Variants in UNC13B observed in about 807,000 individuals in gnomAD.
UNC13B encodes the protein protein unc-13 homolog B.
In UNC13B, 144 loss-of-function variants were observed where a neutral mutation model predicts 211.0. That is an observed-to-expected ratio of 0.68 (90% CI 0.60 to 0.78). The LOEUF is 0.78. Among genes scored for constraint, UNC13B ranks in the 30% least tolerant of loss-of-function variants. UNC13B has a pLI of 0.00. For synonymous variants in UNC13B, 709 were observed against 725.8 expected, an observed-to-expected ratio of 0.98 and a Z score of 0.37; for missense variants, 1,777 against 2,002.0, an observed-to-expected ratio of 0.89 and a Z score of 2.14.
At chr9:35,163,221 C>T (rs887667590) in intron 1 of UNC13B, among the ~76,000 whole-genome samples, 5 of 152,146 alleles carry the variant, frequency 3.3e-5, no homozygotes, top group African/African-American at 1.2e-4. Context: ...TCTGATGTGT[C>T]TTGATTATGA....
At chr9:35,217,783 C>T (rs546572193) in intron 1 of UNC13B, among the ~76,000 whole-genome samples, 1 of 152,096 alleles carries the variant, frequency 6.6e-6, no homozygotes, top group Non-Finnish European at 1.5e-5. Flanking sequence ...GTGGCTTACA[C>T]CTATAATCCC....
intron 1 of UNC13B, among the ~76,000 whole-genome samples, chr9:35,218,902 A>G (rs1824411739): frequency 6.6e-6 from 1 of 152,016 alleles, no homozygotes; most frequent in Admixed American, 6.6e-5. Flanking sequence ...GGCATGCACC[A>G]CCACGCCTGG....
chr9:35,214,858 T>TA (rs1273025868), intron 1 of UNC13B, among the ~76,000 whole-genome samples: 1 of 152,196 alleles, frequency 6.6e-6, no homozygotes, highest in Non-Finnish European at 1.5e-5. Context: ...AAATTGAAAG[T>TA]AAAATAGACA....
chr9:35,228,086 C>T (rs1824961696), intron 2 of UNC13B, 42 bp downstream of exon 2: 2 of 1,551,492 alleles, frequency 1.3e-6, no homozygotes, highest in African/African-American at 2.8e-5. Context: ...CTTGTATTTG[C>T]TGTTATTTCA....
intron 36 of UNC13B, among the ~76,000 whole-genome samples, chr9:35,400,060 G>C (rs1339068392): frequency 6.6e-6 from 1 of 152,128 alleles, no homozygotes; most frequent in African/African-American, 2.4e-5. Flanking sequence ...CCATTTCTGT[G>C]CCTGTCCAGA....
intron 11 of UNC13B, among the ~76,000 whole-genome samples, chr9:35,326,735 T>C (rs1831039463): frequency 6.6e-6 from 1 of 152,070 alleles, no homozygotes; most frequent in Non-Finnish European, 1.5e-5. Context: ...AACAACATAA[T>C]AAAATAAAAC....
intron 7 of UNC13B, among the ~76,000 whole-genome samples, chr9:35,271,974 A>G (rs945012393): frequency 4.6e-5 from 7 of 152,242 alleles, no homozygotes; most frequent in African/African-American, 1.4e-4. Flanking sequence ...AGGAAGATTT[A>G]TGTATAGGTT....
At chr9:35,387,320 A>G (rs1337646359) in intron 24 of UNC13B, among the ~76,000 whole-genome samples, 1 of 152,192 alleles carries the variant, frequency 6.6e-6, no homozygotes, top group East Asian at 1.9e-4. Flanking sequence ...TCTTTAAGTA[A>G]CTACATCCAA....
chr9:35,397,864 C>T (rs926676026), intron 30 of UNC13B, 152 bp downstream of exon 30: 16 of 776,790 alleles, frequency 2.1e-5, no homozygotes, highest in African/African-American at 1.2e-4. Context: ...CACAAAATTA[C>T]GAGAACTTGA....
At chr9:35,235,307 A>G (rs16932280) in intron 3 of UNC13B, among the ~76,000 whole-genome samples, 11,325 of 152,162 alleles carry the variant, frequency 0.074, 639 homozygotes, top group East Asian at 0.31. Flanking sequence ...ATAATGATTA[A>G]TGAGTCTCCA....
At chr9:35,207,832 A>T (rs1823752988) in intron 1 of UNC13B, among the ~76,000 whole-genome samples, 1 of 152,198 alleles carries the variant, frequency 6.6e-6, no homozygotes, top group African/African-American at 2.4e-5. Flanking sequence ...AGTATCCTTT[A>T]AAGTGCAAAA....
intron 7 of UNC13B, among the ~76,000 whole-genome samples, chr9:35,282,473 C>T (rs1457660969): frequency 6.6e-6 from 1 of 152,114 alleles, no homozygotes; most frequent in Non-Finnish European, 1.5e-5. Context: ...CTCTGTCACC[C>T]AGGCTGGAGT....
intron 7 of UNC13B, among the ~76,000 whole-genome samples, chr9:35,264,983 G>C (rs1226323304): frequency 6.6e-6 from 1 of 152,146 alleles, no homozygotes; most frequent in Admixed American, 6.6e-5. Context: ...TTTCGCTTTA[G>C]GATGACTCTT....
intron 1 of UNC13B, among the ~76,000 whole-genome samples, chr9:35,186,260 G>A (rs1447012965): frequency 1.3e-5 from 2 of 151,956 alleles, no homozygotes; most frequent in Admixed American, 1.3e-4. Flanking sequence ...CCTGCTACCT[G>A]GAGGTTTCAT....
chr9:35,396,331 A>C, intron 26 of UNC13B, 145 bp from the exon 27 acceptor site: 2 of 969,964 alleles, frequency 2.1e-6, no homozygotes, highest in Non-Finnish European at 3.0e-6. Flanking sequence ...TGTTGGGGAG[A>C]GATGGCTGTG....
At chr9:35,172,587 A>G (rs964924399) in intron 1 of UNC13B, among the ~76,000 whole-genome samples, 4 of 152,208 alleles carry the variant, frequency 2.6e-5, no homozygotes, top group African/African-American at 9.6e-5. Context: ...TGGGAAATGG[A>G]ATAAAAATGT....
chr9:35,342,605 C>A (rs1298576279), intron 11 of UNC13B, among the ~76,000 whole-genome samples: 2 of 152,162 alleles, frequency 1.3e-5, no homozygotes, highest in African/African-American at 4.8e-5. Flanking sequence ...AACCCAGCCA[C>A]CCTCTGGATG....
chr9:35,185,784 G>C (rs966465193), intron 1 of UNC13B, among the ~76,000 whole-genome samples: 2 of 151,666 alleles, frequency 1.3e-5, no homozygotes, highest in African/African-American at 2.4e-5. Context: ...AAAAAATGGT[G>C]GCACATGTCT....
At chr9:35,285,588 G>A (rs910989338) in intron 7 of UNC13B, among the ~76,000 whole-genome samples, 2 of 152,096 alleles carry the variant, frequency 1.3e-5, no homozygotes, top group Non-Finnish European at 2.9e-5. Context: ...GTGATGGCAC[G>A]TGCCTGTAGT....
Sources: allele counts gnomAD v4.1 joint callset (sites outside exome capture counted in the v4.1 genomes callset), GRCh38; gene constraint gnomAD v4.1.1; transcripts MANE v1.5; gene names NCBI Gene and HGNC (gene_info 2026-07-23, HGNC 2026-07-21).